Variants in STK39 observed in about 807,000 individuals in gnomAD.
STK39 encodes STE20/SPS1-related proline-alanine-rich protein kinase.
In STK39, 20 loss-of-function variants were observed where a neutral mutation model predicts 77.8. That is an observed-to-expected ratio of 0.26 (90% confidence interval 0.18 to 0.37). The LOEUF (loss-of-function observed/expected upper bound fraction) is 0.37, where lower values mean the gene tolerates loss of function less well. Among genes scored for constraint, STK39 ranks in the 10% least tolerant of loss-of-function variants. The pLI, the probability that STK39 is intolerant of heterozygous loss-of-function variation, is 1.00. For missense variants in STK39, 479 were observed against 656.5 expected (o/e 0.73, Z 2.95); for synonymous variants, 246 against 234.1 (o/e 1.05, Z -0.47).
chr2:168,201,596 G>C lies in STK39; in HGVS notation c.209-19506C>G, dbSNP rs140716865. Among the ~76,000 whole-genome samples, 21 of 152,282 alleles carry C rather than the reference G, an allele frequency of 1.4e-4. No homozygotes were observed. The East Asian group carries it at 3.3e-3, about 24-fold the overall frequency. On this transcript the variant is annotated intron_variant, in intron 1 of 17. Coordinates refer to ENST00000355999, the MANE Select transcript of STK39 (RefSeq NM_013233.3). The stretch of plus-strand genomic sequence containing the variant: ...CCAGGCATAATTCAATGAAAGAAGA[G>C]ATAAACTAGACACAAATAATTTACG...
intron 15 of STK39, among the ~76,000 whole-genome samples, chr2:168,014,821 A>C (rs1050452717): frequency 2.0e-5 from 3 of 152,220 alleles, no homozygotes; most frequent in African/African-American, 7.2e-5. Flanking sequence ...TTAAGTAAGG[A>C]GCTATAATCA....
intron 17 of STK39, among the ~76,000 whole-genome samples, chr2:167,962,223 G>A (rs376479847): frequency 6.6e-6 from 1 of 152,184 alleles, no homozygotes; most frequent in Admixed American, 6.5e-5. Context: ...AGCAGCTTAC[G>A]AGGAAAAACG....
chr2:168,235,822 T>C (rs531334664), intron 1 of STK39, among the ~76,000 whole-genome samples: 4 of 152,252 alleles, frequency 2.6e-5, no homozygotes, highest in South Asian at 2.1e-4. Flanking sequence ...CCATGGTGTA[T>C]ATGTGCCACA....
chr2:168,132,605 T>A (rs1486743484), intron 8 of STK39, among the ~76,000 whole-genome samples: 1 of 152,190 alleles, frequency 6.6e-6, no homozygotes, highest in Admixed American at 6.5e-5. Context: ...AAATTTTTCA[T>A]AACCAACTGG....
chr2:168,016,481 C>T (rs749559666), intron 15 of STK39, among the ~76,000 whole-genome samples: 1 of 150,352 alleles, frequency 6.7e-6, no homozygotes, highest in Non-Finnish European at 1.5e-5. Flanking sequence ...TCACCATTCA[C>T]TTTGGCTTCT....
intron 10 of STK39, among the ~76,000 whole-genome samples, chr2:168,096,492 C>T (rs373397979): frequency 1.3e-4 from 20 of 152,246 alleles, no homozygotes; most frequent in Admixed American, 5.2e-4. Context: ...TCAACAATTG[C>T]TGATTTGTAC....
intron 1 of STK39, among the ~76,000 whole-genome samples, chr2:168,236,182 C>G (rs74468373): frequency 0.35 from 52,769 of 151,700 alleles, 9,785 homozygotes; most frequent in Non-Finnish European, 0.43. Context: ...TTGTGGTTTT[C>G]ATTTGCATTT....
At chr2:168,104,746 T>G (rs1284916329) in intron 10 of STK39, among the ~76,000 whole-genome samples, 1 of 152,134 alleles carries the variant, frequency 6.6e-6, no homozygotes, top group African/African-American at 2.4e-5. Context: ...TGGAAGACAA[T>G]TTGCCAGTAT....
At chr2:168,126,006 A>C (rs1383916671) in intron 10 of STK39, among the ~76,000 whole-genome samples, 1 of 152,220 alleles carries the variant, frequency 6.6e-6, no homozygotes. Context: ...TGTTCACATT[A>C]AAGAAAAATG....
intron 10 of STK39, among the ~76,000 whole-genome samples, chr2:168,099,913 A>T (rs1203495393): frequency 6.6e-6 from 1 of 152,254 alleles, no homozygotes; most frequent in Non-Finnish European, 1.5e-5. Context: ...AGAAAACTCA[A>T]GAGACAAGAG....
At chr2:168,045,552 G>T (rs575077979) in intron 14 of STK39, among the ~76,000 whole-genome samples, 1 of 152,130 alleles carries the variant, frequency 6.6e-6, no homozygotes, top group South Asian at 2.1e-4. Flanking sequence ...ATCTTTCAAG[G>T]ACAAAGTTTA....
chr2:168,207,243 CTTT>C (rs1689765120), intron 1 of STK39, among the ~76,000 whole-genome samples: 1 of 152,104 alleles, frequency 6.6e-6, no homozygotes, highest in Non-Finnish European at 1.5e-5. Context: ...TTTAATTCTC[CTTT>C]TTTGTTGTTG....
intron 1 of STK39, among the ~76,000 whole-genome samples, chr2:168,208,383 A>G (rs1689795262): frequency 6.6e-6 from 1 of 152,186 alleles, no homozygotes; most frequent in Non-Finnish European, 1.5e-5. Flanking sequence ...CAGAACCAAC[A>G]GAAACTTTCT....
intron 1 of STK39, among the ~76,000 whole-genome samples, chr2:168,211,993 T>C (rs879461938): frequency 6.6e-6 from 1 of 152,212 alleles, no homozygotes. Context: ...TCATTATTCG[T>C]TTTAGTTCCA....
At position 168,129,563 on chromosome 2, in the gene STK39, T is replaced by G. The variant is rs764061473; in HGVS notation, c.1067A>C (p.Asp356Ala). The G allele has an allele frequency of 6.2e-7, 1 of 1,614,096 alleles. No homozygotes were observed. The highest frequency in any genetic ancestry group is 1.3e-5 in the African/African-American group (1 of 75,046). ...LIEKLLTRTP[D>A]IAQRAKKVRR... ...TACCTTTTTGGCTCTTTGGGCTATG[T>G]CTGGTGTTCTTGTAAGCAGCTTCTC... The change falls in exon 10 of 18, where the codon GAC becomes GCC. Residue 356 changes from aspartate (D) to alanine (A), a missense_variant. Physicochemically the swap from Asp to Ala is moderately radical, Grantham distance 126. Around this residue, in one of 3 missense-constraint regions of STK39, gnomAD observed 244 missense variants for 296.8 expected, o/e 0.82. Transcript: ENST00000355999.
intron 1 of STK39, among the ~76,000 whole-genome samples, chr2:168,187,075 G>A (rs1474091304): frequency 1.3e-5 from 2 of 152,100 alleles, no homozygotes; most frequent in African/African-American, 4.8e-5. Flanking sequence ...TTTTAAGGCC[G>A]GGCATGGTGG....
Position 168,247,286 on chromosome 2 carries a change from CGCCGGG to C in STK39, c.144_149del (p.Pro49_Ala50del), listed in dbSNP as rs537577117. 1,710 of 1,007,044 alleles carry C rather than the reference CGCCGGG, an allele frequency of 1.7e-3. 1 individual carries two copies. Among genetic ancestry groups the C allele is most frequent in the African/African-American group, 2.6e-3 (152 of 58,004 alleles). The allele number at this position is 1,007,044 out of a possible 1,614,324, so 62.4% of individuals were successfully genotyped here. On this transcript the variant is annotated inframe_deletion, in exon 1 of 18. Coordinates refer to ENST00000355999, the MANE Select transcript of STK39 (RefSeq NM_013233.3). ...AGATGGGCCAGCCGACAGCCTGTGCCGCCGGGGCCGGGGCCGGGGCCGGGGCCGCGG... is the reference window on the plus strand; with the variant it reads ...AGATGGGCCAGCCGACAGCCTGTGCCGCCGGGGCCGGGGCCGGGGCCGCGG...
chr2:168,099,069 A>T (rs985879558), intron 10 of STK39, among the ~76,000 whole-genome samples: 4 of 152,208 alleles, frequency 2.6e-5, no homozygotes, highest in Non-Finnish European at 5.9e-5. Context: ...GCAAATGGCT[A>T]TCTACAATTG....
chr2:167,996,043 G>A (rs1338971302), intron 16 of STK39, among the ~76,000 whole-genome samples: 1 of 150,800 alleles, frequency 6.6e-6, no homozygotes, highest in Non-Finnish European at 1.5e-5. Context: ...TGCAAATTAT[G>A]TAGCTGGTCC....
Sources: gnomAD v4.1 joint callset for allele counts (sites outside exome capture counted in the v4.1 genomes callset) on GRCh38, gnomAD v4.1.1 for gene constraint, gnomAD v4.1.1 regional missense constraint, MANE v1.5 for transcripts, NCBI Gene and HGNC (gene_info 2026-07-23, HGNC 2026-07-21) for gene names.